RANBP17: variants seen among roughly 807,000 people sequenced by gnomAD.
RANBP17 encodes ran-binding protein 17.
RANBP17 carries 158 observed loss-of-function variants against 141.2 expected under a neutral mutation model. The observed-to-expected ratio is 1.12, with a 90% CI of 0.98 to 1.28. RANBP17 has a LOEUF of 1.28. RANBP17 is among the 50% of genes most tolerant of loss of function. The pLI, the probability that RANBP17 is intolerant of heterozygous loss-of-function variation, is 0.00. For synonymous variants in RANBP17, 430 were observed against 450.0 expected (o/e 0.96, Z 0.56); for missense variants, 1,438 against 1,290.7 (o/e 1.11, Z -1.75).
intron 14 of RANBP17, among the ~76,000 whole-genome samples, chr5:171,056,429 G>A (rs1173198215): frequency 2.0e-5 from 3 of 152,168 alleles, no homozygotes; most frequent in East Asian, 3.9e-4. Context: ...AAGAAATTTT[G>A]TTATCTTGGT....
chr5:171,167,993 A>T (rs1466851816), intron 14 of RANBP17, among the ~76,000 whole-genome samples: 1 of 152,174 alleles, frequency 6.6e-6, no homozygotes, highest in Non-Finnish European at 1.5e-5. Flanking sequence ...TTCACATTAT[A>T]ATATAGTCCT....
At chr5:170,903,600 T>C (rs557696228) in intron 5 of RANBP17, 12 of 247,042 alleles carry the variant, frequency 4.9e-5, no homozygotes, top group Non-Finnish European at 9.8e-5. Flanking sequence ...CCATTTATCC[T>C]TCCGGTGAGG....
intron 13 of RANBP17, among the ~76,000 whole-genome samples, chr5:170,962,504 A>C (rs550443057): frequency 6.6e-4 from 101 of 152,242 alleles, no homozygotes; most frequent in Non-Finnish European, 1.4e-3. Context: ...TGAAGAATTT[A>C]AAAACAAGAT....
In RANBP17 at chr5:171,242,782, A is replaced by G. The variant is rs372275271; in HGVS notation, c.2738A>G (p.Tyr913Cys). The G allele has an allele frequency of 8.7e-6, 14 of 1,613,676 alleles. No individual in the cohort carries two copies. In the African/African-American group the frequency reaches 1.6e-4, roughly 18 times the overall value. Residue 913 changes from tyrosine (Y) to cysteine (C), a missense_variant, in exon 24 of 28, where the codon TAT (tyrosine) becomes TGT (cysteine). Tyr to Cys is a radical substitution (Grantham distance 194). Coordinates refer to ENST00000523189, the MANE Select transcript of RANBP17 (RefSeq NM_022897.5). The stretch of plus-strand genomic sequence containing the variant: ...AACTTAGAGCCTCCTGTACTCATGT[A>G]TGTTCTCACATCTATCTCAGAGGGA... ...IINLEPPVLM[Y>C]VLTSISEGLT...
chr5:171,048,313 G>A (rs979746499), intron 14 of RANBP17, among the ~76,000 whole-genome samples: 5 of 152,170 alleles, frequency 3.3e-5, no homozygotes, highest in Admixed American at 3.3e-4. Context: ...TCCTATCTCA[G>A]TCTTTCAAAG....
chr5:171,019,920 A>C (rs1018587611), intron 14 of RANBP17, among the ~76,000 whole-genome samples: 7 of 152,124 alleles, frequency 4.6e-5, no homozygotes, highest in African/African-American at 1.7e-4. Context: ...TAGTGCTATA[A>C]ATTTCCCTCT....
intron 14 of RANBP17, among the ~76,000 whole-genome samples, chr5:171,071,913 C>G (rs537624297): frequency 6.6e-6 from 1 of 152,114 alleles, no homozygotes; most frequent in South Asian, 2.1e-4. Flanking sequence ...TAAACTTTCA[C>G]TCTAAGAAAG....
rs1283160674 is a variant in RANBP17 at position 171,183,361 on chromosome 5, A to G, written c.1969A>G (p.Ser657Gly). ...TTTTCTTGGCATCAGTGACAATCAT[A>G]GTCTCAGCGACTTCAGGTGTCGAAC... ...FPFLGISDNHSLSDFRCRTTF... is the reference protein window; with the variant it reads ...FPFLGISDNHGLSDFRCRTTF... Residue 657 changes from serine to glycine, a missense_variant, in exon 18 of 28, where the codon AGT (serine) becomes GGT (glycine). Physicochemically the swap from Ser to Gly is moderately conservative, Grantham distance 56 (BLOSUM62 0). Transcript: ENST00000523189. The G allele has an allele frequency of 6.2e-7, 1 of 1,614,074 alleles. No individual in the cohort carries two copies.
chr5:171,141,305 T>C (rs1324277587), intron 14 of RANBP17, among the ~76,000 whole-genome samples: 1 of 151,678 alleles, frequency 6.6e-6, no homozygotes, highest in Non-Finnish European at 1.5e-5. Context: ...AAGTTAAAAA[T>C]GTAAAGATAG....
chr5:170,957,049 A>G (rs1015417614), intron 13 of RANBP17, among the ~76,000 whole-genome samples: 2 of 142,694 alleles, frequency 1.4e-5, no homozygotes, highest in East Asian at 2.1e-4. Context: ...CAGCCTGGGC[A>G]ACAGAGCGAG....
intron 5 of RANBP17, among the ~76,000 whole-genome samples, chr5:170,898,111 G>A (rs528743703): frequency 5.9e-5 from 9 of 152,296 alleles, no homozygotes; most frequent in Admixed American, 1.3e-4. Flanking sequence ...TCTAGCTGGC[G>A]TGAGTTGCAG....
At chr5:170,869,381 AC>A in intron 1 of RANBP17, among the ~76,000 whole-genome samples, 1 of 146,286 alleles carries the variant, frequency 6.8e-6, no homozygotes, top group Non-Finnish European at 1.5e-5. Context: ...CTGGCCTTGA[AC>A]TCCTGGGCTC....
intron 14 of RANBP17, among the ~76,000 whole-genome samples, chr5:170,987,327 T>C (rs1366286885): frequency 2.6e-5 from 4 of 151,660 alleles, no homozygotes; most frequent in African/African-American, 9.7e-5. Context: ...GCTTTTTGAC[T>C]ACCATATACT....
chr5:171,128,599 A>G (rs1376634090), intron 14 of RANBP17, among the ~76,000 whole-genome samples: 1 of 152,226 alleles, frequency 6.6e-6, no homozygotes, highest in East Asian at 1.9e-4. Context: ...ATAGTACAGT[A>G]AGGTGACTAT....
chr5:170,891,009 T>G (rs913441279), intron 3 of RANBP17, among the ~76,000 whole-genome samples: 1 of 152,298 alleles, frequency 6.6e-6, no homozygotes, highest in Admixed American at 6.5e-5. Flanking sequence ...AACAATTTTT[T>G]GTAGAGATGG....
intron 24 of RANBP17, among the ~76,000 whole-genome samples, chr5:171,264,856 T>C (rs995833849): frequency 6.6e-6 from 1 of 152,206 alleles, no homozygotes; most frequent in Non-Finnish European, 1.5e-5. Context: ...TCCCTCTACC[T>C]GAAAAGTGTC....
chr5:171,221,838 A>T lies in RANBP17; in HGVS notation c.2420A>T (p.Tyr807Phe). 6.4e-7 allele frequency: 1 copy of T among 1,567,110 alleles called. No homozygotes were observed. The highest frequency in any genetic ancestry group is 8.8e-7 in the Non-Finnish European group (1 of 1,138,430). Residue 807 changes from tyrosine to phenylalanine, a missense_variant and splice_region_variant, in exon 22 of 28, where the codon TAT becomes TTT. Transcript: ENST00000523189. ...GAAGCTAGTAAAATGGTTTGCACTT[A>T]TGGTGAGTGTCCTTTTCCATATGTG... ...FREASKMVCT[Y>F]GNQILSLGSL...
At chr5:170,962,961 G>A (rs1776259639) in intron 13 of RANBP17, among the ~76,000 whole-genome samples, 1 of 152,080 alleles carries the variant, frequency 6.6e-6, no homozygotes, top group Non-Finnish European at 1.5e-5. Flanking sequence ...AAGTCATTGA[G>A]GGTAAAGGAG....
At chr5:170,929,810 A>G (rs2127455135) in intron 12 of RANBP17, among the ~76,000 whole-genome samples, 1 of 152,302 alleles carries the variant, frequency 6.6e-6, no homozygotes, top group Admixed American at 6.5e-5. Context: ...TAAGAGGGAT[A>G]GAATTCGTCT....
Sources: allele counts gnomAD v4.1 joint callset (sites outside exome capture counted in the v4.1 genomes callset), GRCh38; gene constraint gnomAD v4.1.1; transcripts MANE v1.5; gene names NCBI Gene and HGNC (gene_info 2026-07-23, HGNC 2026-07-21).